ECSCR: variants seen among roughly 807,000 people sequenced by gnomAD.
ECSCR encodes the protein endothelial cell-specific chemotaxis regulator.
Under a neutral mutation model 16.7 loss-of-function variants are expected in ECSCR, and 12 were observed. The observed-to-expected ratio is 0.72, with a 90% confidence interval of 0.46 to 1.17. The LOEUF is 1.17. Among genes scored for constraint, ECSCR ranks in the 50% most tolerant of loss-of-function variants. The pLI is 0.00. For synonymous variants in ECSCR, 44 were observed against 42.2 expected, an observed-to-expected ratio of 1.04 and a Z score of -0.17; for missense variants, 122 against 116.1, an observed-to-expected ratio of 1.05 and a Z score of -0.23.
intron 1 of ECSCR, among the ~76,000 whole-genome samples, chr5:139,461,042 C>T (rs1259196206): frequency 6.6e-6 from 1 of 151,982 alleles, no homozygotes; most frequent in African/African-American, 2.4e-5. Flanking sequence ...GTGCCTGTAG[C>T]CCCCAGCTAC....
intron 9 of ECSCR, 41 bp from the exon 10 acceptor site, chr5:139,448,949 G>T (rs2152087612): frequency 1.3e-6 from 2 of 1,537,146 alleles, no homozygotes; most frequent in Non-Finnish European, 1.7e-6. Context: ...GAACTTTTTA[G>T]GATTGGCAGG....
rs988545622 is a variant in ECSCR at position 139,456,411 on chromosome 5, G to A, written c.262+63C>T. 14 of 398,104 alleles carry A rather than the reference G, an allele frequency of 3.5e-5. No homozygotes were observed. In the South Asian group the frequency reaches 1.0e-3, roughly 29 times the overall value. The allele number at this position is 398,104 out of a possible 1,614,324, so 24.7% of individuals were successfully genotyped here. ...AAATCTGAGAGCCAAGGGATAAGAC[G>A]AGAGAAAGGGTCACAGACATCTCCT... On this transcript the variant is annotated intron_variant, in intron 5 of 9. Coordinates refer to ENST00000618155, the MANE Select transcript of ECSCR (RefSeq NM_001077693.4).
chr5:139,460,453 C>A (rs1751273390), intron 1 of ECSCR, among the ~76,000 whole-genome samples: 1 of 152,028 alleles, frequency 6.6e-6, no homozygotes, highest in South Asian at 2.1e-4. Flanking sequence ...TATCTAAATG[C>A]TGTAAGGTTA....
rs1343383663 is a variant in ECSCR at position 139,454,226 on chromosome 5, T to C, written c.512+376A>G. 2.1e-5 allele frequency among the ~76,000 whole-genome samples: 3 copies of C among 139,812 alleles called. No homozygotes were observed. In the East Asian group the frequency reaches 6.6e-4, roughly 31 times the overall value. The allele number at this position is 139,812 out of a possible 152,430, so 91.7% of individuals were successfully genotyped here. A position where few individuals can be genotyped will look rare whatever the true frequency, so the allele number is the denominator to read the frequency against. On this transcript the variant is annotated intron_variant, in intron 8 of 9. Transcript: ENST00000618155. Reference sequence around the variant, plus strand: ...GGTGTATTTGAGGTGTGTGGGAGTGTGTGTGTGGGGGTCGTGTGGTGTGTG... The same window carrying C: ...GGTGTATTTGAGGTGTGTGGGAGTGCGTGTGTGGGGGTCGTGTGGTGTGTG...
Position 139,451,463 on chromosome 5 carries a change from G to A in ECSCR, c.513-2289C>T, listed in dbSNP as rs976621730. Among the ~76,000 whole-genome samples the A allele has an allele frequency of 8.2e-5, 12 of 147,170 alleles. No homozygotes were observed. In the South Asian group the frequency reaches 8.9e-4, roughly 11 times the overall value. On this transcript the variant is annotated intron_variant, in intron 8 of 9. Coordinates refer to ENST00000618155, the MANE Select transcript of ECSCR (RefSeq NM_001077693.4). ...GAGGTATGTGTGTAGTATGAGGTAC[G>A]GGGTGTCTGTGTGTGATGTGTGTGG...
At chr5:139,458,310 A>T (rs1167802937) in intron 1 of ECSCR, 127 bp from the exon 2 acceptor site, 12 of 883,346 alleles carry the variant, frequency 1.4e-5, no homozygotes, top group African/African-American at 3.5e-5. Context: ...CTAAAAAAAA[A>T]TTTTGTTTTG....
At chr5:139,456,415 G>C (rs1304045598) in intron 5 of ECSCR, 59 bp downstream of exon 5, 2 of 398,188 alleles carry the variant, frequency 5.0e-6, no homozygotes, top group African/African-American at 4.1e-5. Context: ...TAAGACGAGA[G>C]AAAGGGTCAC....
intron 2 of ECSCR, 148 bp downstream of exon 2, chr5:139,457,991 G>A (rs1751197133): frequency 4.4e-6 from 5 of 1,145,830 alleles, no homozygotes; most frequent in Non-Finnish European, 2.5e-6. Flanking sequence ...ATCCTTAGAT[G>A]AGCTCAGCCT....
chr5:139,461,688 A>C (rs1460634959), intron 1 of ECSCR, among the ~76,000 whole-genome samples: 2 of 152,156 alleles, frequency 1.3e-5, no homozygotes, highest in Non-Finnish European at 2.9e-5. Context: ...CCTCCAGCCC[A>C]TGGACTTTTA....
intron 2 of ECSCR, 97 bp from the exon 3 acceptor site, chr5:139,457,904 A>C: frequency 7.5e-7 from 1 of 1,341,656 alleles, no homozygotes; most frequent in Non-Finnish European, 1.0e-6. Flanking sequence ...TCCCTACCCC[A>C]TCCCCCACCC....
chr5:139,459,772 G>A (rs902053027), intron 1 of ECSCR, among the ~76,000 whole-genome samples: 2 of 152,236 alleles, frequency 1.3e-5, no homozygotes, highest in African/African-American at 4.8e-5. Context: ...AGGCCTGGGT[G>A]GACAGAGGCG....
intron 8 of ECSCR, among the ~76,000 whole-genome samples, chr5:139,450,690 C>T (rs561029744): frequency 1.4e-4 from 21 of 150,956 alleles, no homozygotes; most frequent in African/African-American, 4.9e-4. Context: ...GCAGGAGAAT[C>T]ACTTGAACCT....
intron 8 of ECSCR, among the ~76,000 whole-genome samples, chr5:139,452,286 T>TGTGGGGA (rs1751075223): frequency 0.013 from 128 of 10,082 alleles, no homozygotes; most frequent in South Asian, 0.019. Flanking sequence ...GGGTGTGGGG[T>TGTGGGGA]GTGTGGTAGG....
chr5:139,454,490 AGGTGTAT>A (rs1185921991), intron 8 of ECSCR, 105 bp downstream of exon 8: 4 of 380,350 alleles, frequency 1.1e-5, no homozygotes, highest in Non-Finnish European at 4.6e-6. Flanking sequence ...TGATGTGTGA[AGGTGTAT>A]GGTGTGTGGT....
At position 139,454,808 on chromosome 5, in the gene ECSCR, G is replaced by T. The variant is rs1751122203; in HGVS notation, c.475+17C>A. 1 of 398,472 alleles carries T rather than the reference G, an allele frequency of 2.5e-6. No individual in the cohort carries two copies. The highest frequency in any genetic ancestry group is 4.4e-6 in the Non-Finnish European group (1 of 226,080). The allele number at this position is 398,472 out of a possible 1,614,324, so 24.7% of individuals were successfully genotyped here. The stretch of plus-strand genomic sequence containing the variant: ...GCCAGCAGAGGGGAAAAAGATCCCC[G>T]AGGGCAGGGCACGCACCTTCAGACT... On this transcript the variant is annotated intron_variant, in intron 7 of 9. Coordinates refer to ENST00000618155, the MANE Select transcript of ECSCR (RefSeq NM_001077693.4).
At chr5:139,462,168 T>C (rs533799691) in intron 1 of ECSCR, among the ~76,000 whole-genome samples, 3 of 152,318 alleles carry the variant, frequency 2.0e-5, no homozygotes, top group African/African-American at 7.2e-5. Context: ...CTACTCCTCA[T>C]GTGAAAGGAG....
At position 139,455,797 on chromosome 5, in the gene ECSCR, T is replaced by A. The variant is rs1213992892; in HGVS notation, c.263-361A>T. ...TTTGAGACCAGCCTGACCAACATGGTGAAACCCCATCTCTCCTAAAAAAAA... is the reference window on the plus strand; with the variant it reads ...TTTGAGACCAGCCTGACCAACATGGAGAAACCCCATCTCTCCTAAAAAAAA... On this transcript the variant is annotated intron_variant, in intron 5 of 9. Coordinates refer to ENST00000618155, the MANE Select transcript of ECSCR (RefSeq NM_001077693.4). Among the ~76,000 whole-genome samples, 9 of 109,844 alleles carry A rather than the reference T, an allele frequency of 8.2e-5. No homozygotes were observed. The South Asian group carries it at 2.6e-3, about 31-fold the overall frequency. The allele number at this position is 109,844 out of a possible 152,430, so 72.1% of individuals were successfully genotyped here. A position where few individuals can be genotyped will look rare whatever the true frequency, so the allele number is the denominator to read the frequency against.
At chr5:139,460,132 T>TG (rs1188657487) in intron 1 of ECSCR, among the ~76,000 whole-genome samples, 1 of 150,692 alleles carries the variant, frequency 6.6e-6, no homozygotes, top group African/African-American at 2.5e-5. Context: ...ATGTATTTTT[T>TG]GTTTTTTTTT....
intron 1 of ECSCR, among the ~76,000 whole-genome samples, chr5:139,458,527 A>G (rs1751218960): frequency 1.5e-5 from 2 of 137,882 alleles, no homozygotes; most frequent in South Asian, 2.3e-4. Context: ...AAAAAAAAAA[A>G]AAAAAAGAAA....
Sources: gnomAD v4.1 joint callset for allele counts (sites outside exome capture counted in the v4.1 genomes callset) on GRCh38, gnomAD v4.1.1 for gene constraint, MANE v1.5 for transcripts, NCBI Gene and HGNC (gene_info 2026-07-23, HGNC 2026-07-21) for gene names.